Variants in CREB5 observed in about 807,000 individuals in gnomAD.
The protein encoded by CREB5 is cAMP responsive element binding protein 5.
A neutral mutation model predicts 57.1 loss-of-function variants in CREB5; 19 were observed. The observed-to-expected ratio is 0.33, with a 90% CI of 0.23 to 0.49. CREB5 has a LOEUF of 0.49. Ranked by LOEUF, CREB5 falls within the 20% of genes least tolerant of loss-of-function variation. The pLI is 0.99. For missense variants in CREB5, 579 were observed against 671.6 expected (o/e 0.86, Z 1.52); for synonymous variants, 238 against 238.3 (o/e 1.00, Z 0.01).
intron 3 of CREB5, among the ~76,000 whole-genome samples, chr7:28,504,821 A>G (rs956727361): frequency 1.3e-5 from 2 of 152,166 alleles, no homozygotes; most frequent in Non-Finnish European, 2.9e-5. Context: ...TTCTTTGACA[A>G]GAAAGATTGG....
intron 9 of CREB5, among the ~76,000 whole-genome samples, chr7:28,816,569 G>A (rs1237466179): frequency 3.1e-5 from 2 of 64,780 alleles, no homozygotes; most frequent in Admixed American, 1.3e-4. Flanking sequence ...TTTTGTCATT[G>A]TTTTATTTTA....
intron 1 of CREB5, among the ~76,000 whole-genome samples, chr7:28,353,775 G>C (rs1015894442): frequency 6.6e-6 from 1 of 150,858 alleles, no homozygotes; most frequent in Admixed American, 6.6e-5. Flanking sequence ...CCCAGGAGGC[G>C]GAGCTTGCAG....
At chr7:28,642,805 G>A (rs1344125713) in intron 5 of CREB5, among the ~76,000 whole-genome samples, 1 of 152,110 alleles carries the variant, frequency 6.6e-6, no homozygotes, top group African/African-American at 2.4e-5. Context: ...TGCGATCAGA[G>A]TACAGATGGG....
intron 1 of CREB5, among the ~76,000 whole-genome samples, chr7:28,369,336 C>T (rs1477262653): frequency 1.3e-5 from 2 of 152,132 alleles, no homozygotes; most frequent in African/African-American, 4.8e-5. Context: ...CAGCTCACCT[C>T]ACTACTGAGC....
intron 1 of CREB5, among the ~76,000 whole-genome samples, chr7:28,472,972 C>G (rs1039916065): frequency 6.6e-6 from 1 of 152,132 alleles, no homozygotes; most frequent in Non-Finnish European, 1.5e-5. Context: ...CTGCCTGGAC[C>G]ACCCTCCCCT....
chr7:28,765,085 T>C (rs1805889781), intron 7 of CREB5, among the ~76,000 whole-genome samples: 1 of 152,244 alleles, frequency 6.6e-6, no homozygotes, highest in African/African-American at 2.4e-5. Context: ...GTATTTATGT[T>C]ACTGACATTT....
At chr7:28,477,043 T>C (rs1791101747) in intron 1 of CREB5, among the ~76,000 whole-genome samples, 1 of 152,176 alleles carries the variant, frequency 6.6e-6, no homozygotes. Flanking sequence ...GCCTCATGCA[T>C]GGTAGGTGCT....
intron 1 of CREB5, among the ~76,000 whole-genome samples, chr7:28,368,341 C>G (rs1786632465): frequency 6.6e-6 from 1 of 152,030 alleles, no homozygotes; most frequent in South Asian, 2.1e-4. Flanking sequence ...TACAATTCAT[C>G]CATGTAACCA....
intron 5 of CREB5, among the ~76,000 whole-genome samples, chr7:28,700,387 C>CTATT (rs1483456538): frequency 6.6e-6 from 1 of 152,176 alleles, no homozygotes; most frequent in Non-Finnish European, 1.5e-5. Flanking sequence ...ACACCCTCAG[C>CTATT]TGACTTCCTT....
At chr7:28,486,594 A>G (rs904493870) in intron 1 of CREB5, among the ~76,000 whole-genome samples, 1 of 148,414 alleles carries the variant, frequency 6.7e-6, no homozygotes, top group African/African-American at 2.5e-5. Flanking sequence ...AGGTACAAAA[A>G]AAAGAGGGGG....
intron 1 of CREB5, among the ~76,000 whole-genome samples, chr7:28,446,924 C>T (rs1373909560): frequency 6.6e-6 from 1 of 152,236 alleles, no homozygotes; most frequent in Non-Finnish European, 1.5e-5. Context: ...ACCTCCTCTA[C>T]TAAGCCAAGA....
chr7:28,530,238 ATTGGTTTTCCTC>A (rs1793662153), intron 4 of CREB5, among the ~76,000 whole-genome samples: 1 of 151,338 alleles, frequency 6.6e-6, no homozygotes, highest in South Asian at 2.2e-4. Flanking sequence ...TCCAACCCAC[ATTGGTTTTCCTC>A]GCCCGTCAGA....
rs575509808 is a variant in CREB5, at chr7:28,381,772, G to A, written c.-25+82331G>A. 2.6e-5 allele frequency among the ~76,000 whole-genome samples: 4 copies of A among 152,328 alleles called. No homozygotes were observed. In the East Asian group the frequency reaches 7.7e-4, roughly 29 times the overall value. ...TACAAAATAGAACCATAGCGAGGTG[G>A]ATAATCTCTCTCCAAGAGGAACTTG... On this transcript the variant is annotated intron_variant, in intron 1 of 9. Coordinates refer to the CREB5 transcript ENST00000396299.
In CREB5 at chr7:28,392,253, C is replaced by G. The variant is rs534875025; in HGVS notation, c.-25+92812C>G. Reference sequence around the variant, plus strand: ...AGTTTGTCTATATGACAAACCTGCACAGGTACCCCTGAACCTAAAATAAAA... The same window carrying G: ...AGTTTGTCTATATGACAAACCTGCAGAGGTACCCCTGAACCTAAAATAAAA... On this transcript the variant is annotated intron_variant, in intron 1 of 9. Transcript: ENST00000396299. Among the ~76,000 whole-genome samples, 179 of 152,216 alleles carry G rather than the reference C, an allele frequency of 1.2e-3. 3 individuals carry two copies. The Middle Eastern group carries it at 0.014, about 12-fold the overall frequency.
rs73073972 is a variant in CREB5, at chr7:28,431,789, G to T, written c.3+18872G>T. ...CGTTCTGGTGGTATGAGAATGAGCTGTGCCATGGTTTAGAAAAAGGAAAAA... is the reference window on the plus strand; with the variant it reads ...CGTTCTGGTGGTATGAGAATGAGCTTTGCCATGGTTTAGAAAAAGGAAAAA... On this transcript the variant is annotated intron_variant, in intron 1 of 10. Transcript: ENST00000357727. Among the ~76,000 whole-genome samples the T allele has an allele frequency of 9.8e-3, 1,498 of 152,200 alleles. 15 individuals are homozygous for T. The highest frequency in any genetic ancestry group is 0.017 in the Non-Finnish European group (1,127 of 68,006).
At chr7:28,453,542 A>G (rs942245762) in intron 1 of CREB5, among the ~76,000 whole-genome samples, 6 of 152,258 alleles carry the variant, frequency 3.9e-5, no homozygotes, top group Non-Finnish European at 8.8e-5. Context: ...CTCTACATGA[A>G]TGGCACTTGA....
At chr7:28,590,671 GTAT>G (rs1796471959) in intron 5 of CREB5, among the ~76,000 whole-genome samples, 1 of 96,008 alleles carries the variant, frequency 1.0e-5, no homozygotes, top group Non-Finnish European at 1.9e-5. Flanking sequence ...GGAACTTAAA[GTAT>G]AATAATAATA....
chr7:28,399,600 C>T (rs1461009659), intron 1 of CREB5, among the ~76,000 whole-genome samples: 2 of 152,106 alleles, frequency 1.3e-5, no homozygotes, highest in Non-Finnish European at 2.9e-5. Flanking sequence ...AAGAATGAAA[C>T]TGGACCCCTA....
At chr7:28,680,927 C>T (rs1006802536) in intron 5 of CREB5, among the ~76,000 whole-genome samples, 2 of 152,150 alleles carry the variant, frequency 1.3e-5, no homozygotes, top group Non-Finnish European at 2.9e-5. Context: ...TAGGGCACCT[C>T]AACAACTGTG....
Sources: allele counts gnomAD v4.1 joint callset (sites outside exome capture counted in the v4.1 genomes callset), GRCh38; gene constraint gnomAD v4.1.1; transcripts MANE v1.5; gene names NCBI Gene and HGNC (gene_info 2026-07-23, HGNC 2026-07-21).